The following NRXN1 variants were observed in gnomAD, a reference collection of about 807,000 sequenced individuals.
The protein encoded by NRXN1 is neurexin 1.
A neutral mutation model predicts 150.9 loss-of-function variants in NRXN1; 39 were observed. The ratio of observed to expected loss-of-function variants is 0.26; its 90% CI spans 0.20 to 0.34. NRXN1 has a LOEUF of 0.34. NRXN1 is among the 10% of genes least tolerant of loss of function. The pLI, the probability that NRXN1 is intolerant of heterozygous loss-of-function variation, is 1.00. For synonymous variants in NRXN1, 924 were observed against 757.0 expected, an observed-to-expected ratio of 1.22 and a Z score of -3.62; for missense variants, 1,815 against 1,949.9, an observed-to-expected ratio of 0.93 and a Z score of 1.30.
rs741421 is a variant in NRXN1 at position 50,919,897 on chromosome 2, T to G, written c.832+1972A>C. ...CACAGCACTTCCATTCTGTCATTCA[T>G]TCTAACTTGCCCAAATGTTTTCATT... On this transcript the variant is annotated intron_variant, in intron 5 of 22. Coordinates refer to ENST00000401669, the MANE Select transcript of NRXN1 (RefSeq NM_001330078.2). The G allele has an allele frequency of 2.2e-3, 486 of 221,524 alleles. 5 individuals are homozygous for G. Among genetic ancestry groups the G allele is most frequent in the Middle Eastern group, 0.018 (37 of 2,114 alleles). 13.7% of individuals were successfully genotyped at this position (221,524 alleles called of 1,614,324 possible). A position where few individuals can be genotyped will look rare whatever the true frequency, so the allele number is the denominator to read the frequency against.
chr2:50,944,675 T>A (rs751323268), intron 2 of NRXN1, among the ~76,000 whole-genome samples: 1 of 152,294 alleles, frequency 6.6e-6, no homozygotes, highest in South Asian at 2.1e-4. Flanking sequence ...TGAATGCCAA[T>A]TGATTTCCAA....
chr2:50,046,251 C>G (rs1271927632), intron 21 of NRXN1, among the ~76,000 whole-genome samples: 1 of 152,142 alleles, frequency 6.6e-6, no homozygotes, highest in African/African-American at 2.4e-5. Context: ...ATGGACCTCA[C>G]GATAACTCTC....
chr2:50,445,050 G>C (rs1029035636), intron 17 of NRXN1, among the ~76,000 whole-genome samples: 1 of 152,036 alleles, frequency 6.6e-6, no homozygotes, highest in African/African-American at 2.4e-5. Context: ...ACTTGTTCCT[G>C]CTGCCATAAT....
intron 18 of NRXN1, among the ~76,000 whole-genome samples, chr2:50,147,892 T>C (rs2058443727): frequency 6.6e-6 from 1 of 151,722 alleles, no homozygotes; most frequent in Admixed American, 6.6e-5. Flanking sequence ...ATGTAGCCTA[T>C]GCATGTAGCT....
At chr2:49,957,349 C>A (rs1452960963) in intron 21 of NRXN1, among the ~76,000 whole-genome samples, 1 of 152,090 alleles carries the variant, frequency 6.6e-6, no homozygotes, top group African/African-American at 2.4e-5. Flanking sequence ...AAGATATTAT[C>A]ATGAATATTT....
intron 21 of NRXN1, among the ~76,000 whole-genome samples, chr2:49,949,563 G>C (rs921313314): frequency 1.3e-5 from 2 of 151,740 alleles, no homozygotes; most frequent in African/African-American, 4.8e-5. Context: ...GTAAGGAAAA[G>C]AGCAATTTCC....
At chr2:50,509,700 G>C (rs989173818) in intron 12 of NRXN1, among the ~76,000 whole-genome samples, 5 of 152,156 alleles carry the variant, frequency 3.3e-5, no homozygotes, top group African/African-American at 1.2e-4. Flanking sequence ...CAAAATTATA[G>C]TAACTTCAAG....
intron 17 of NRXN1, among the ~76,000 whole-genome samples, chr2:50,384,234 C>T (rs768518452): frequency 3.3e-5 from 5 of 152,142 alleles, no homozygotes; most frequent in East Asian, 1.9e-4. Context: ...CAGCCGGGTG[C>T]GGTGGCTCAT....
chr2:50,988,857 G>C (rs1340633357), intron 2 of NRXN1, among the ~76,000 whole-genome samples: 4 of 151,828 alleles, frequency 2.6e-5, no homozygotes, highest in African/African-American at 9.7e-5. Flanking sequence ...TGCAAAATAG[G>C]AATAACAACA....
At chr2:50,141,000 T>C (rs1707194201) in intron 18 of NRXN1, among the ~76,000 whole-genome samples, 1 of 152,006 alleles carries the variant, frequency 6.6e-6, no homozygotes, top group African/African-American at 2.4e-5. Flanking sequence ...AAAGCACAGA[T>C]TGACAAGCTG....
chr2:50,019,566 C>T (rs1687173312), intron 21 of NRXN1, among the ~76,000 whole-genome samples: 1 of 139,526 alleles, frequency 7.2e-6, no homozygotes, highest in Admixed American at 7.7e-5. Context: ...TGCTTGAACC[C>T]GGGAGGCTGA....
At chr2:49,923,259 G>C (rs983547213) in intron 22 of NRXN1, among the ~76,000 whole-genome samples, 2 of 152,094 alleles carry the variant, frequency 1.3e-5, no homozygotes, top group Admixed American at 6.5e-5. Flanking sequence ...TGATATAAAA[G>C]GATAGAAACT....
At chr2:50,935,720 G>A (rs1431226871) in intron 2 of NRXN1, among the ~76,000 whole-genome samples, 1 of 151,534 alleles carries the variant, frequency 6.6e-6, no homozygotes, top group Non-Finnish European at 1.5e-5. Context: ...GGGCAAGACT[G>A]TCTCAAAAAC....
intron 17 of NRXN1, among the ~76,000 whole-genome samples, chr2:50,291,970 G>A (rs1174274505): frequency 2.0e-5 from 3 of 152,052 alleles, no homozygotes; most frequent in African/African-American, 4.8e-5. Flanking sequence ...ACACCAGGAC[G>A]GTAGATAACT....
intron 5 of NRXN1, among the ~76,000 whole-genome samples, chr2:50,660,808 A>G (rs975496254): frequency 6.6e-6 from 1 of 152,034 alleles, no homozygotes; most frequent in Non-Finnish European, 1.5e-5. Context: ...CCATTCATCA[A>G]TATATCCAAC....
intron 5 of NRXN1, among the ~76,000 whole-genome samples, chr2:50,838,893 GA>G (rs762498624): frequency 1.3e-4 from 20 of 151,956 alleles, no homozygotes; most frequent in Non-Finnish European, 2.2e-4. Flanking sequence ...GAAGCCCTAG[GA>G]AACTAACACA....
At chr2:50,490,272 A>G (rs988205093) in intron 15 of NRXN1, among the ~76,000 whole-genome samples, 15 of 152,174 alleles carry the variant, frequency 9.9e-5, no homozygotes, top group African/African-American at 3.4e-4. Context: ...CTGCTTCTCA[A>G]AACCCTTTAA....
intron 18 of NRXN1, among the ~76,000 whole-genome samples, chr2:50,148,858 T>C (rs536276236): frequency 5.9e-4 from 89 of 151,874 alleles, no homozygotes; most frequent in African/African-American, 2.0e-3. Context: ...GTGATAATCC[T>C]AGGTCTGCAG....
intron 18 of NRXN1, among the ~76,000 whole-genome samples, chr2:50,229,616 ACTT>A (rs150411126): frequency 0.07 from 10,644 of 152,054 alleles, 431 homozygotes; most frequent in Middle Eastern, 0.12. Context: ...CTTAACCATT[ACTT>A]CTTCTAAAAA....
Sources: allele counts gnomAD v4.1 joint callset (sites outside exome capture counted in the v4.1 genomes callset), GRCh38; gene constraint gnomAD v4.1.1; transcripts MANE v1.5; gene names NCBI Gene and HGNC (gene_info 2026-07-23, HGNC 2026-07-21).